The following MIGA2 variants were observed in gnomAD, a reference collection of about 807,000 sequenced individuals.
MIGA2 encodes family with sequence similarity 73, member B.
In MIGA2, 36 loss-of-function variants were observed where a neutral mutation model predicts 69.9. The observed-to-expected ratio is 0.52, with a 90% confidence interval of 0.39 to 0.68. The LOEUF is 0.68. Among genes scored for constraint, MIGA2 ranks in the 30% least tolerant of loss-of-function variants. MIGA2 has a pLI of 0.00. For missense variants in MIGA2, 660 were observed against 787.7 expected (o/e 0.84, Z 1.94); for synonymous variants, 333 against 349.2 (o/e 0.95, Z 0.52).
intron 4 of MIGA2, 45 bp downstream of exon 4, chr9:129,048,584 A>T: frequency 1.3e-6 from 2 of 1,513,620 alleles, no homozygotes; most frequent in South Asian, 2.2e-5. Context: ...GTCCGGGCTT[A>T]CCCCTGCTGA....
chr9:129,042,293 C>T lies in MIGA2; in HGVS notation c.97-11C>T. The T allele has an allele frequency of 6.2e-7, 1 of 1,611,310 alleles. No homozygotes were observed. On this transcript the variant is annotated splice_polypyrimidine_tract_variant and intron_variant, in intron 2 of 15. Transcript: ENST00000684074. The stretch of plus-strand genomic sequence containing the variant: ...GGAGGTGTAACCGGCAGCGTCTCCT[C>T]TTCCCTGCAGTCTGCATTCTCCCAG...
Position 129,060,572 on chromosome 9 carries a change from G to T in MIGA2, c.816G>T (p.Leu272=). The change falls in exon 8 of 16, where the codon CTG becomes CTT. Residue 272 remains leucine (L), a synonymous_variant. Transcript: ENST00000684074. The surrounding 1 kb of genome is among the most constrained non-coding windows in gnomAD (Gnocchi z 4.8). ...LDLERTLMLP[L]TEGSLRLRAD... is the part of the protein sequence containing the mutation. ...CAGAGAGGACCCTCATGCTGCCCCT[G>T]ACCGAGGGCTCGCTGCGGCTGCGGG... 6.2e-7 allele frequency: 1 copy of T among 1,603,472 alleles called. No individual in the cohort carries two copies. Among genetic ancestry groups the T allele is most frequent in the Non-Finnish European group, 8.5e-7 (1 of 1,174,914 alleles).
chr9:129,050,232 G>T (rs943382533), intron 6 of MIGA2, among the ~76,000 whole-genome samples: 4 of 152,184 alleles, frequency 2.6e-5, no homozygotes, highest in African/African-American at 9.6e-5. Flanking sequence ...AAGGGAAGGC[G>T]CCTCTGTTGA....
Position 129,069,276 on chromosome 9 carries a change from G to A in MIGA2, c.1458+147G>A. On this transcript the variant is annotated intron_variant, in intron 14 of 15. Transcript: ENST00000684074. The surrounding 1 kb of genome is among the most constrained non-coding windows in gnomAD (Gnocchi z 4.9). ...CCTTGTTCCGCCGTTACCTCTCCCT[G>A]TGCCAGGAGCTCCCTGGAGGCTCGT... 1.0e-6 allele frequency: 1 copy of A among 993,464 alleles called. No homozygotes were observed. The highest frequency in any genetic ancestry group is 2.5e-5 in the East Asian group (1 of 40,796). The allele number at this position is 993,464 out of a possible 1,614,324, so 61.5% of individuals were successfully genotyped here.
chr9:129,048,872 G>A (rs1204501323), intron 4 of MIGA2, among the ~76,000 whole-genome samples: 1 of 152,174 alleles, frequency 6.6e-6, no homozygotes, highest in Non-Finnish European at 1.5e-5. Flanking sequence ...AGATAAACAA[G>A]GCAGAAGCTT....
chr9:129,061,358 T>C lies in MIGA2; in HGVS notation c.1010+12T>C. 3 of 881,856 alleles carry C rather than the reference T, an allele frequency of 3.4e-6. No homozygotes were observed. The highest frequency in any genetic ancestry group is 2.7e-5 in the South Asian group (2 of 74,736). The allele number at this position is 881,856 out of a possible 1,614,324, so 54.6% of individuals were successfully genotyped here. On this transcript the variant is annotated intron_variant, in intron 9 of 15. Transcript: ENST00000684074. This position sits in a 1 kb window ranked among gnomAD's most constrained non-coding sequence, Gnocchi z 5.0. ...TGCCGGACCCTCAGGTGAGCAGGTG[T>C]GGAGGGAGGGAGGGAGGGAGCAGGA...
intron 1 of MIGA2, among the ~76,000 whole-genome samples, chr9:129,038,687 A>T (rs1844725782): frequency 2.6e-5 from 4 of 151,108 alleles, no homozygotes; most frequent in Middle Eastern, 3.4e-3. Flanking sequence ...TGGACTCCTG[A>T]CTTAGCTTGT....
At chr9:129,042,651 G>A (rs944932028) in intron 3 of MIGA2, 137 bp downstream of exon 3, 18 of 878,342 alleles carry the variant, frequency 2.0e-5, no homozygotes, top group South Asian at 6.5e-5. Flanking sequence ...ATCTGTGAGC[G>A]GGATGACAGT....
intron 6 of MIGA2, among the ~76,000 whole-genome samples, chr9:129,052,510 C>T (rs901376926): frequency 1.3e-5 from 2 of 152,054 alleles, no homozygotes; most frequent in Non-Finnish European, 2.9e-5. Flanking sequence ...GGCACGGTGC[C>T]TCACACCTGT....
At position 129,040,681 on chromosome 9, in the gene MIGA2, G is replaced by A. The variant is rs1023976473; in HGVS notation, c.87G>A (p.Thr29=). ...AGATCCCCGTGTTCCTGTACACGAC[G>A]TTTGGGCAGGTAAGGATCAGGGTGG... The part of the protein sequence containing the change: ...VAEIPVFLYT[T]FGQSAFSQLR... Residue 29 remains threonine (T), a synonymous_variant, in exon 2 of 16, where the codon ACG becomes ACA. Transcript: ENST00000684074. 3.1e-6 allele frequency: 5 copies of A among 1,613,334 alleles called. No homozygotes were observed. The highest frequency in any genetic ancestry group is 1.3e-5 in the African/African-American group (1 of 74,936).
chr9:129,069,470 C>G lies in MIGA2; in HGVS notation c.1458+341C>G, dbSNP rs1846549774. ...AGAGCCCTGTCCCTCCTGCCCTTTC[C>G]CCGCCCCAGTCAGGCCCCTGTAATC... On this transcript the variant is annotated intron_variant, in intron 14 of 15. Coordinates refer to ENST00000684074, the MANE Select transcript of MIGA2 (RefSeq NM_001329990.2). The surrounding 1 kb of genome is among the most constrained non-coding windows in gnomAD (Gnocchi z 4.9). 1 of 516,122 alleles carries G rather than the reference C, an allele frequency of 1.9e-6. No individual in the cohort carries two copies. Among genetic ancestry groups the G allele is most frequent in the Non-Finnish European group, 3.5e-6 (1 of 284,786 alleles). 32.0% of individuals were successfully genotyped at this position (516,122 alleles called of 1,614,324 possible).
intron 1 of MIGA2, 197 bp downstream of exon 1, chr9:129,036,878 G>C (rs1034308469): frequency 2.2e-6 from 2 of 930,144 alleles, no homozygotes; most frequent in Non-Finnish European, 2.6e-6. Flanking sequence ...GAAGGTACTT[G>C]GGTCAGGGAG....
intron 6 of MIGA2, among the ~76,000 whole-genome samples, chr9:129,054,546 C>T (rs1845702103): frequency 6.6e-6 from 1 of 152,184 alleles, no homozygotes; most frequent in South Asian, 2.1e-4. Flanking sequence ...CTCTAGGCAA[C>T]CACAAATCTA....
In MIGA2 at chr9:129,069,607, A is replaced by C. The variant is rs1846557497; in HGVS notation, c.1459-242A>C. 1 of 569,142 alleles carries C rather than the reference A, an allele frequency of 1.8e-6. No homozygotes were observed. 35.3% of individuals were successfully genotyped at this position (569,142 alleles called of 1,614,324 possible). A position where few individuals can be genotyped will look rare whatever the true frequency, so the allele number is the denominator to read the frequency against. On this transcript the variant is annotated intron_variant, in intron 14 of 15. Transcript: ENST00000684074. This position sits in a 1 kb window ranked among gnomAD's most constrained non-coding sequence, Gnocchi z 4.9. ...ACCAGCTGCCGTGGCCACGTGCTCC[A>C]GGCACTTCCCGCGGAGCCACTATGG...
chr9:129,061,205 G>A lies in MIGA2; in HGVS notation c.895-26G>A. 6.3e-7 allele frequency: 1 copy of A among 1,591,746 alleles called. No homozygotes were observed. The highest frequency in any genetic ancestry group is 2.3e-5 in the East Asian group (1 of 44,358). On this transcript the variant is annotated intron_variant, in intron 8 of 15. Transcript: ENST00000684074. The surrounding 1 kb of genome is among the most constrained non-coding windows in gnomAD (Gnocchi z 5.0). The stretch of plus-strand genomic sequence containing the variant: ...CGTGCTGCTCACATGGGCTTCCCTG[G>A]TCTCTTCCTCTGCACCCTCTCCCAG...
intron 11 of MIGA2, among the ~76,000 whole-genome samples, chr9:129,066,723 G>C (rs569707343): frequency 1.3e-5 from 2 of 151,038 alleles, no homozygotes; most frequent in African/African-American, 4.9e-5. Flanking sequence ...ACTTTGGGAG[G>C]CCAAGGCAGG....
Position 129,069,996 on chromosome 9 carries a change from G to C in MIGA2, c.1575+31G>C. 6.5e-7 allele frequency: 1 copy of C among 1,539,384 alleles called. No homozygotes were observed. The highest frequency in any genetic ancestry group is 8.8e-7 in the Non-Finnish European group (1 of 1,131,478). On this transcript the variant is annotated intron_variant, in intron 15 of 15. Transcript: ENST00000684074. The surrounding 1 kb of genome is among the most constrained non-coding windows in gnomAD (Gnocchi z 4.9). Reference sequence around the variant, plus strand: ...CAGAGAGCAGTTCTCGTTCTTTCCTGACCCTTGCCCTGAGCACAGGCGCCC... The same window carrying C: ...CAGAGAGCAGTTCTCGTTCTTTCCTCACCCTTGCCCTGAGCACAGGCGCCC...
At chr9:129,066,230 C>T (rs925368229) in intron 11 of MIGA2, among the ~76,000 whole-genome samples, 13 of 152,148 alleles carry the variant, frequency 8.5e-5, no homozygotes, top group African/African-American at 2.4e-4. Context: ...CCAGGTGGCC[C>T]GGACCCAGCC....
At chr9:129,056,983 G>A (rs981220160) in intron 6 of MIGA2, among the ~76,000 whole-genome samples, 1 of 151,800 alleles carries the variant, frequency 6.6e-6, no homozygotes, top group Non-Finnish European at 1.5e-5. Context: ...GCAGTGAACC[G>A]AGATCATGCC....
Sources: allele counts gnomAD v4.1 joint callset (sites outside exome capture counted in the v4.1 genomes callset), GRCh38; gene constraint gnomAD v4.1.1; non-coding constraint Gnocchi (gnomAD v3.1); transcripts MANE v1.5; gene names NCBI Gene and HGNC (gene_info 2026-07-23, HGNC 2026-07-21).